Variants in SLC28A3 observed in about 807,000 individuals in gnomAD.
The protein encoded by SLC28A3 is solute carrier family 28 member 3.
SLC28A3 carries 68 observed loss-of-function variants against 84.2 expected under a neutral mutation model. The observed-to-expected ratio is 0.81, with a 90% CI of 0.66 to 0.99. The LOEUF is 0.99. SLC28A3 is among the 50% of genes least tolerant of loss of function. SLC28A3 has a pLI of 0.00. For synonymous variants in SLC28A3, 267 were observed against 303.6 expected (o/e 0.88, Z 1.25); for missense variants, 712 against 841.5 (o/e 0.85, Z 1.90).
the SLC28A3 span, among the ~76,000 whole-genome samples, chr9:84,365,009 T>C: frequency 6.6e-6 from 1 of 152,248 alleles, no homozygotes; most frequent in African/African-American, 2.4e-5. Flanking sequence ...TTCAATATAC[T>C]GACTTCCTTT....
chr9:84,302,124 A>G, intron 5 of SLC28A3, 76 bp downstream of exon 5: 1 of 1,447,938 alleles, frequency 6.9e-7, no homozygotes, highest in Non-Finnish European at 9.4e-7. Flanking sequence ...AAGCAATTTC[A>G]GAACAAATTT....
At position 84,313,470 on chromosome 9, in the gene SLC28A3, A is replaced by G; in HGVS notation, c.61-16T>C. 6.2e-7 allele frequency: 1 copy of G among 1,605,746 alleles called. No individual in the cohort carries two copies. The highest frequency in any genetic ancestry group is 8.5e-7 in the Non-Finnish European group (1 of 1,174,178). On this transcript the variant is annotated splice_polypyrimidine_tract_variant and intron_variant, in intron 1 of 17. Coordinates refer to ENST00000376238, the MANE Select transcript of SLC28A3 (RefSeq NM_001199633.2). ...TTTCTTCATTCTAAGAAAAAAGTGC[A>G]GATTGAAAAAATAAAAAGTTACAGC...
At chr9:84,340,786 G>T, upstream of SLC28A3, 2 of 668,222 alleles carry the variant, frequency 3.0e-6, no homozygotes, top group Non-Finnish European at 2.5e-6. Context: ...TCTCCTGAAT[G>T]ACTAGGGCTG....
At chr9:84,307,247 A>G (rs12339947) in intron 3 of SLC28A3, among the ~76,000 whole-genome samples, 7,007 of 151,668 alleles carry the variant, frequency 0.046, 514 homozygotes, top group African/African-American at 0.16. Context: ...CCTGGCCAAC[A>G]TGGTGAAACC....
At position 84,319,189 on chromosome 9, in the gene SLC28A3, A is replaced by G. The variant is rs78738923; in HGVS notation, c.61-5735T>C. Reference sequence around the variant, plus strand: ...ACGCTGGGCCCTCTTCCCTACTGCAATAGTTTATTACTCACTGAAATCCAT... The same window carrying G: ...ACGCTGGGCCCTCTTCCCTACTGCAGTAGTTTATTACTCACTGAAATCCAT... On this transcript the variant is annotated intron_variant, in intron 1 of 17. Transcript: ENST00000376238. 2.4e-3 allele frequency among the ~76,000 whole-genome samples: 360 copies of G among 152,334 alleles called. 1 individual carries two copies. Among genetic ancestry groups the G allele is most frequent in the African/African-American group, 8.3e-3 (345 of 41,560 alleles).
At chr9:84,361,544 C>G in the SLC28A3 span, among the ~76,000 whole-genome samples, 1 of 152,108 alleles carries the variant, frequency 6.6e-6, no homozygotes, top group Admixed American at 6.5e-5. Context: ...TGCCTCCTCT[C>G]TGATTTGTCA....
At chr9:84,325,446 A>G (rs1316584662) in intron 1 of SLC28A3, among the ~76,000 whole-genome samples, 3 of 152,224 alleles carry the variant, frequency 2.0e-5, no homozygotes, top group African/African-American at 4.8e-5. Flanking sequence ...AAATGTTCGG[A>G]AGATGGAGTG....
intron 17 of SLC28A3, among the ~76,000 whole-genome samples, 191 bp downstream of exon 17, chr9:84,279,074 C>T (rs1824632441): frequency 6.7e-6 from 1 of 149,574 alleles, no homozygotes; most frequent in South Asian, 2.1e-4. Context: ...TAAGTTCTTA[C>T]TTTTAAATAG....
At chr9:84,339,496 C>T (rs1446318926) in intron 1 of SLC28A3, among the ~76,000 whole-genome samples, 6 of 152,076 alleles carry the variant, frequency 3.9e-5, no homozygotes, top group East Asian at 1.9e-4. Context: ...ATGATCAGCC[C>T]GCCTCAGCCT....
At chr9:84,298,358 A>G (rs1825499208) in intron 6 of SLC28A3, among the ~76,000 whole-genome samples, 1 of 151,808 alleles carries the variant, frequency 6.6e-6, no homozygotes, top group African/African-American at 2.4e-5. Context: ...GTGGTGGTGA[A>G]TGCCTGTAAT....
At chr9:84,353,874 C>T in the SLC28A3 span, among the ~76,000 whole-genome samples, 1 of 152,168 alleles carries the variant, frequency 6.6e-6, no homozygotes, top group African/African-American at 2.4e-5. Flanking sequence ...TGTTAGCATT[C>T]ATTAGCATGA....
intron 1 of SLC28A3, among the ~76,000 whole-genome samples, chr9:84,326,381 A>G (rs2118544543): frequency 6.6e-6 from 1 of 152,248 alleles, no homozygotes; most frequent in South Asian, 2.1e-4. Flanking sequence ...TTATCAAAAG[A>G]AAAAAACAAA....
chr9:84,356,499 T>C, the SLC28A3 span, among the ~76,000 whole-genome samples: 1 of 152,174 alleles, frequency 6.6e-6, no homozygotes, highest in Non-Finnish European at 1.5e-5. Flanking sequence ...ATGGTTCCCA[T>C]TCTCAGTAGA....
chr9:84,334,734 G>A (rs955723441), intron 1 of SLC28A3, among the ~76,000 whole-genome samples: 4 of 151,050 alleles, frequency 2.6e-5, no homozygotes, highest in African/African-American at 7.3e-5. Flanking sequence ...CCAGAAGAGC[G>A]TTCATTCTGC....
In SLC28A3 at chr9:84,319,347, G is replaced by A. The variant is rs147287299; in HGVS notation, c.61-5893C>T. Among the ~76,000 whole-genome samples, 596 of 152,116 alleles carry A rather than the reference G, an allele frequency of 3.9e-3. 7 individuals are homozygous for A. The highest frequency in any genetic ancestry group is 0.014 in the African/African-American group (567 of 41,490). The stretch of plus-strand genomic sequence containing the variant: ...TTTTTATTTCTTCCTTAAATACAGG[G>A]TTTCCAGAGCTGGGGGCTAGTTAAA... On this transcript the variant is annotated intron_variant, in intron 1 of 17. Transcript: ENST00000376238.
intron 1 of SLC28A3, among the ~76,000 whole-genome samples, chr9:84,339,629 G>C (rs957926211): frequency 2.0e-5 from 3 of 152,160 alleles, no homozygotes; most frequent in Non-Finnish European, 2.9e-5. Context: ...TAATTTGCAG[G>C]CCTCAGGCAC....
chr9:84,297,354 C>T (rs1029465641), intron 7 of SLC28A3, 56 bp from the exon 8 acceptor site: 97 of 1,414,226 alleles, frequency 6.9e-5, no homozygotes, highest in Admixed American at 5.2e-5. Flanking sequence ...GGAAATTAGA[C>T]AGTGCACAGG....
At chr9:84,297,149 C>A in intron 8 of SLC28A3, 72 bp downstream of exon 8, 1 of 1,356,944 alleles carries the variant, frequency 7.4e-7, no homozygotes, top group Non-Finnish European at 1.0e-6. Context: ...CAGTTAAGTT[C>A]TATCTGAACA....
At position 84,283,570 on chromosome 9, in the gene SLC28A3, T is replaced by C. The variant is rs116350248; in HGVS notation, c.1647+1775A>G. On this transcript the variant is annotated intron_variant, in intron 14 of 17. Transcript: ENST00000376238. Reference sequence around the variant, plus strand: ...ATAAGAAGGATGCCTTACTTTTTCCTTTATCTTTTTTTGGACCTTTTGAAT... The same window carrying C: ...ATAAGAAGGATGCCTTACTTTTTCCCTTATCTTTTTTTGGACCTTTTGAAT... Among the ~76,000 whole-genome samples, 427 of 152,368 alleles carry C rather than the reference T, an allele frequency of 2.8e-3. 1 individual carries two copies. Among genetic ancestry groups the C allele is most frequent in the African/African-American group, 9.9e-3 (413 of 41,598 alleles).
Sources: gnomAD v4.1 joint callset for allele counts (sites outside exome capture counted in the v4.1 genomes callset) on GRCh38, gnomAD v4.1.1 for gene constraint, MANE v1.5 for transcripts, NCBI Gene and HGNC (gene_info 2026-07-23, HGNC 2026-07-21) for gene names.